RBFOX1: variants seen among roughly 807,000 people sequenced by gnomAD.
RBFOX1 encodes the protein RNA binding fox-1 homolog 1.
Under a neutral mutation model 57.7 loss-of-function variants are expected in RBFOX1, and 8 were observed. The observed-to-expected ratio is 0.14, with a 90% CI of 0.08 to 0.25. RBFOX1 has a LOEUF of 0.25. Ranked by LOEUF, RBFOX1 falls within the 10% of genes least tolerant of loss-of-function variation. The pLI is 1.00. For missense variants in RBFOX1, 611 were observed against 548.5 expected (o/e 1.11, Z -1.14); for synonymous variants, 326 against 222.4 (o/e 1.47, Z -4.15).
At chr16:6,109,918 T>C (rs968196274) in intron 1 of RBFOX1, among the ~76,000 whole-genome samples, 7 of 152,194 alleles carry the variant, frequency 4.6e-5, no homozygotes, top group Non-Finnish European at 1.0e-4. Context: ...AGAGCTTTTC[T>C]CCAGTTGTAG....
chr16:5,917,519 T>C (rs1011823871), intron 4 of RBFOX1, among the ~76,000 whole-genome samples: 1 of 152,192 alleles, frequency 6.6e-6, no homozygotes, highest in African/African-American at 2.4e-5. Flanking sequence ...AGACGGGAAT[T>C]CCCAGGTTGT....
At chr16:7,370,724 T>G (rs117330308) in intron 4 of RBFOX1, among the ~76,000 whole-genome samples, 2,252 of 152,354 alleles carry the variant, frequency 0.015, 29 homozygotes, top group Non-Finnish European at 0.025. Flanking sequence ...GTGGCCAGTT[T>G]TCCTGTTTAG....
intron 9 of RBFOX1, among the ~76,000 whole-genome samples, chr16:7,598,644 C>G (rs1332550591): frequency 2.0e-5 from 3 of 152,060 alleles, no homozygotes; most frequent in Non-Finnish European, 2.9e-5. Context: ...CGTATTCATG[C>G]CTATATATGT....
At chr16:6,653,475 T>C (rs2098615824) in intron 2 of RBFOX1, among the ~76,000 whole-genome samples, 1 of 152,178 alleles carries the variant, frequency 6.6e-6, no homozygotes, top group Non-Finnish European at 1.5e-5. Flanking sequence ...TGTGGGACTG[T>C]GTCTGTCATT....
chr16:6,150,324 A>G (rs1023107511), intron 1 of RBFOX1, among the ~76,000 whole-genome samples: 8 of 152,140 alleles, frequency 5.3e-5, no homozygotes, highest in African/African-American at 1.9e-4. Flanking sequence ...ACCATCATTG[A>G]TTAACACTTA....
At chr16:5,797,676 A>G (rs919634533) in intron 3 of RBFOX1, among the ~76,000 whole-genome samples, 2 of 152,238 alleles carry the variant, frequency 1.3e-5, no homozygotes, top group Admixed American at 1.3e-4. Flanking sequence ...TTGTTAGCTA[A>G]TCAAAGCCAG....
chr16:6,025,196 AT>A lies in RBFOX1; in HGVS notation c.-127+5210del, dbSNP rs1046660799. On this transcript the variant is annotated intron_variant, in intron 1 of 15. Coordinates refer to ENST00000550418, the MANE Select transcript of RBFOX1 (RefSeq NM_018723.4). Reference sequence around the variant, plus strand: ...CATGCCTTCCTGGCCGGCCGGCTCTATTTTTTCAAAGTTTCAATTCATTTCT... The same window carrying A: ...CATGCCTTCCTGGCCGGCCGGCTCTATTTTTCAAAGTTTCAATTCATTTCT... 6.6e-5 allele frequency among the ~76,000 whole-genome samples: 10 copies of A among 152,212 alleles called. 1 individual carries two copies. Among genetic ancestry groups the A allele is most frequent in the Admixed American group, 6.5e-4 (10 of 15,286 alleles).
chr16:6,636,479 A>G (rs567527295), intron 2 of RBFOX1, among the ~76,000 whole-genome samples: 19 of 152,014 alleles, frequency 1.2e-4, no homozygotes, highest in African/African-American at 4.6e-4. Context: ...TGGATTTTGG[A>G]TTTTTAGATT....
intron 1 of RBFOX1, among the ~76,000 whole-genome samples, chr16:6,284,628 G>A (rs1201670185): frequency 6.6e-6 from 1 of 152,134 alleles, no homozygotes; most frequent in Non-Finnish European, 1.5e-5. Flanking sequence ...GAAAAGTTGG[G>A]TATACTTACA....
rs531339714 is a variant in RBFOX1, at chr16:6,690,216, C to T, written c.-16+35566C>T. Among the ~76,000 whole-genome samples, 3 of 152,180 alleles carry T rather than the reference C, an allele frequency of 2.0e-5. No individual in the cohort carries two copies. In the South Asian group the frequency reaches 6.2e-4, roughly 32 times the overall value. Reference sequence around the variant, plus strand: ...CATAGGCTAATTCAAAAAGAGTTTACTTTAAAGAGCATGACTCTCTAAGAA... The same window carrying T: ...CATAGGCTAATTCAAAAAGAGTTTATTTTAAAGAGCATGACTCTCTAAGAA... On this transcript the variant is annotated intron_variant, in intron 3 of 15. Transcript: ENST00000550418.
intron 2 of RBFOX1, among the ~76,000 whole-genome samples, chr16:6,342,598 T>C (rs1379983014): frequency 6.6e-6 from 1 of 152,178 alleles, no homozygotes; most frequent in Non-Finnish European, 1.5e-5. Flanking sequence ...CTGAGTGGCA[T>C]CCACGTGGAT....
intron 3 of RBFOX1, among the ~76,000 whole-genome samples, chr16:6,657,714 C>A (rs2098669830): frequency 6.6e-6 from 1 of 152,124 alleles, no homozygotes; most frequent in Non-Finnish European, 1.5e-5. Context: ...GGCAGAGGTG[C>A]CAAAATAATA....
At chr16:6,827,613 G>T (rs1195369331) in intron 3 of RBFOX1, among the ~76,000 whole-genome samples, 1 of 152,094 alleles carries the variant, frequency 6.6e-6, no homozygotes, top group African/African-American at 2.4e-5. Flanking sequence ...TCCCCTGCCA[G>T]CCCCATCCTT....
intron 2 of RBFOX1, among the ~76,000 whole-genome samples, chr16:6,638,570 A>G (rs1016634726): frequency 1.3e-5 from 2 of 152,226 alleles, no homozygotes; most frequent in Non-Finnish European, 2.9e-5. Flanking sequence ...AACCAAGAAA[A>G]TGGCTATCGG....
intron 3 of RBFOX1, among the ~76,000 whole-genome samples, chr16:6,936,892 G>A (rs117631295): frequency 0.011 from 1,511 of 143,100 alleles, 10 homozygotes; most frequent in Non-Finnish European, 0.015. Flanking sequence ...CCATCAGCCA[G>A]AGTGTGATGT....
chr16:6,981,762 C>T lies in RBFOX1; in HGVS notation c.-15-70295C>T, dbSNP rs551809034. The stretch of plus-strand genomic sequence containing the variant: ...CAGCCCTCATGATTCAATTATTTCC[C>T]GCCTGGTTCCCCCAGGACATGTGGG... On this transcript the variant is annotated intron_variant, in intron 3 of 15. Transcript: ENST00000550418. Among the ~76,000 whole-genome samples the T allele has an allele frequency of 3.4e-4, 52 of 152,206 alleles. No homozygotes were observed. The South Asian group carries it at 5.2e-3, about 15-fold the overall frequency.
intron 4 of RBFOX1, among the ~76,000 whole-genome samples, chr16:7,359,160 C>A (rs553029756): frequency 4.6e-5 from 7 of 152,274 alleles, no homozygotes; most frequent in Admixed American, 1.3e-4. Context: ...CGTGCAAATG[C>A]TGTGTGACCT....
chr16:7,400,069 G>A (rs1170320653), intron 4 of RBFOX1, among the ~76,000 whole-genome samples: 1 of 152,162 alleles, frequency 6.6e-6, no homozygotes, highest in Non-Finnish European at 1.5e-5. Flanking sequence ...TGACCCTCAG[G>A]AGGGGAAGAC....
At position 7,630,597 on chromosome 16, in the gene RBFOX1, T is replaced by C. The variant is rs2060796099; in HGVS notation, c.677-6T>C. 1.2e-6 allele frequency: 2 copies of C among 1,614,114 alleles called. No individual in the cohort carries two copies. The highest frequency in any genetic ancestry group is 1.3e-5 in the African/African-American group (1 of 75,038). On this transcript the variant is annotated splice_polypyrimidine_tract_variant and splice_region_variant and intron_variant, in intron 10 of 15. Coordinates refer to ENST00000550418, the MANE Select transcript of RBFOX1 (RefSeq NM_018723.4). ...ACCAGATACCATCTCTCTCTCTCTT[T>C]CGTAGGCACGGTCCTGTTGTGCCAG...
Sources: gnomAD v4.1 joint callset for allele counts (sites outside exome capture counted in the v4.1 genomes callset) on GRCh38, gnomAD v4.1.1 for gene constraint, MANE v1.5 for transcripts, NCBI Gene and HGNC (gene_info 2026-07-23, HGNC 2026-07-21) for gene names.